The following PSG8 variants were observed in gnomAD, a reference collection of about 807,000 sequenced individuals.
PSG8 encodes the protein pregnancy-specific beta-1-glycoprotein 8.
In PSG8, 57 loss-of-function variants were observed where a neutral mutation model predicts 42.5. That is an observed-to-expected ratio of 1.34 (90% CI 1.08 to 1.67). PSG8 has a LOEUF of 1.67. Ranked by LOEUF, PSG8 falls within the 40% of genes most tolerant of loss-of-function variation. The pLI is 0.00. For missense variants in PSG8, 783 were observed against 518.6 expected, an observed-to-expected ratio of 1.51 and a Z score of -4.95; for synonymous variants, 280 against 196.8, an observed-to-expected ratio of 1.42 and a Z score of -3.54.
chr19:42,752,930 CCT>C (rs1969818210), downstream of PSG8: 2 of 316,736 alleles, frequency 6.3e-6, no homozygotes, highest in Admixed American at 4.7e-5. Context: ...CACATTTCCC[CCT>C]GAGATGTTAT....
Position 42,755,289 on chromosome 19 carries a change from A to G in PSG8, c.710-23T>C, listed in dbSNP as rs373908272. 1.1e-4 allele frequency: 177 copies of G among 1,597,522 alleles called. No individual in the cohort carries two copies. The African/African-American group carries it at 1.9e-3, about 17-fold the overall frequency. ...TCGCTGTGTGGATAACAGAGAGAAG[A>G]TTGTCCTGTGTGGCACCTTTGATTC... is the stretch of plus-strand genomic sequence containing the variant. On this transcript the variant is annotated intron_variant, in intron 3 of 4. Transcript: ENST00000306511.
chr19:42,753,158 C>T, downstream of PSG8: 1 of 707,514 alleles, frequency 1.4e-6, no homozygotes, highest in Non-Finnish European at 2.6e-6. Context: ...CACTTGTTGT[C>T]CTGGTTTACA....
At chr19:42,763,205 A>C (rs1208834168) in intron 2 of PSG8, among the ~76,000 whole-genome samples, 53 of 152,138 alleles carry the variant, frequency 3.5e-4, no homozygotes, top group Admixed American at 2.6e-4. Context: ...TACCAGGTAC[A>C]TCTTCTCTCT....
In PSG8 at chr19:42,758,076, G is replaced by A; in HGVS notation, c.635C>T (p.Ala212Val). The A allele has an allele frequency of 6.2e-7, 1 of 1,614,064 alleles. No homozygotes were observed. Among genetic ancestry groups the A allele is most frequent in the Non-Finnish European group, 8.5e-7 (1 of 1,179,956 alleles). Reference sequence around the variant, plus strand: ...CCGTATTTCACATTCATAGGGTCCTGCAGTGTACTTTGTGACACCCAATAG... The same window carrying A: ...CCGTATTTCACATTCATAGGGTCCTACAGTGTACTTTGTGACACCCAATAG... ...LFLLGVTKYT[A>V]GPYECEIRNP... is the part of the protein sequence containing the mutation. Residue 212 changes from alanine to valine, a missense_variant, in exon 3 of 5, where the codon GCA becomes GTA. By Grantham distance (64) the Ala-to-Val change is moderately conservative (BLOSUM62 0). Transcript: ENST00000306511.
chr19:42,765,183 C>T (rs949995291), intron 1 of PSG8, among the ~76,000 whole-genome samples: 11 of 148,446 alleles, frequency 7.4e-5, no homozygotes, highest in Non-Finnish European at 7.4e-5. Context: ...GATGGAGTCT[C>T]ATACTGTCTC....
chr19:42,753,290 T>C, downstream of PSG8: 1 of 780,184 alleles, frequency 1.3e-6, no homozygotes, highest in Non-Finnish European at 2.4e-6. Context: ...TTATAGGGCT[T>C]CTGGAACAGA....
chr19:42,759,257 T>C (rs1470921426), intron 2 of PSG8, among the ~76,000 whole-genome samples: 1 of 152,132 alleles, frequency 6.6e-6, no homozygotes, highest in Non-Finnish European at 1.5e-5. Flanking sequence ...GACTACTCTA[T>C]GTACCTGATA....
intron 2 of PSG8, chr19:42,763,661 C>G (rs571473907): frequency 1.5e-5 from 10 of 670,580 alleles, no homozygotes; most frequent in African/African-American, 1.3e-4. Flanking sequence ...TGAGACTGAT[C>G]TCCTCCTGCT....
Position 42,764,292 on chromosome 19 carries a change from G to A in PSG8, c.65-11C>T. 6.2e-7 allele frequency: 1 copy of A among 1,610,076 alleles called. No individual in the cohort carries two copies. The highest frequency in any genetic ancestry group is 8.5e-7 in the Non-Finnish European group (1 of 1,177,992). ...AGTTTAAAAGTGATGCTAGGAGGTG[G>A]AGAGAGCATCAGTCAATATTGAGAG... On this transcript the variant is annotated splice_polypyrimidine_tract_variant and intron_variant, in intron 1 of 4. Coordinates refer to ENST00000306511, the MANE Select transcript of PSG8 (RefSeq NM_182707.3).
chr19:42,755,423 C>G (rs1258200788), intron 3 of PSG8, 157 bp from the exon 4 acceptor site: 17 of 1,406,444 alleles, frequency 1.2e-5, no homozygotes, highest in Non-Finnish European at 5.7e-6. Flanking sequence ...GCATGATGAT[C>G]TAAGGGCTCA....
In PSG8 at chr19:42,754,333, C is replaced by G; in HGVS notation, c.1243G>C (p.Gly415Arg). The G allele has an allele frequency of 6.2e-7, 1 of 1,613,788 alleles. No homozygotes were observed. The highest frequency in any genetic ancestry group is 8.5e-7 in the Non-Finnish European group (1 of 1,179,786). Residue 415 changes from glycine to arginine, a missense_variant, in exon 5 of 5, where the codon GGT becomes CGT. Physicochemically the swap from Gly to Arg is moderately radical, Grantham distance 125 (BLOSUM62 -2). Transcript: ENST00000306511. ...GCCAAGGATACTGGGATCCGCTTACCAGAGACTTTTACTGTCATGGATTTG... is the reference window on the plus strand; with the variant it reads ...GCCAAGGATACTGGGATCCGCTTACGAGAGACTTTTACTGTCATGGATTTG... The part of the protein sequence containing the change: ...SSKSMTVKVS[G>R]KRIPVSLAIG...
intron 2 of PSG8, among the ~76,000 whole-genome samples, chr19:42,759,329 C>G (rs115953317): frequency 0.015 from 2,247 of 152,108 alleles, 44 homozygotes; most frequent in Admixed American, 0.038. Flanking sequence ...GGGATCAGGG[C>G]AATAGGGCGT....
rs141410321 is a variant in PSG8, at chr19:42,758,053, G to A, written c.658C>T (p.Arg220Trp). 22 of 1,614,008 alleles carry A rather than the reference G, an allele frequency of 1.4e-5. No homozygotes were observed. The highest frequency in any genetic ancestry group is 8.0e-5 in the African/African-American group (6 of 75,028). Residue 220 changes from arginine to tryptophan, a missense_variant, in exon 3 of 5, where the codon CGG becomes TGG. Physicochemically the swap from Arg to Trp is moderately radical, Grantham distance 101. Coordinates refer to ENST00000306511, the MANE Select transcript of PSG8 (RefSeq NM_182707.3). ...YTAGPYECEI[R>W]NPVSASRSDP... ...CTGCGGCTGGCACTCACTGGGTTCCGTATTTCACATTCATAGGGTCCTGCA... is the reference window on the plus strand; with the variant it reads ...CTGCGGCTGGCACTCACTGGGTTCCATATTTCACATTCATAGGGTCCTGCA...
At chr19:42,753,004 A>T (rs1458574692), downstream of PSG8, 1 of 511,016 alleles carries the variant, frequency 2.0e-6, no homozygotes, top group East Asian at 3.2e-5. Flanking sequence ...AAGCTACTAC[A>T]TGTGAAATTC....
chr19:42,754,962 C>A, intron 4 of PSG8, 26 bp downstream of exon 4: 1 of 1,591,158 alleles, frequency 6.3e-7, no homozygotes, highest in Non-Finnish European at 8.5e-7. Flanking sequence ...GGTGTCCTGG[C>A]CCACAGAGGA....
intron 3 of PSG8, among the ~76,000 whole-genome samples, chr19:42,756,567 C>T (rs1969932577): frequency 6.6e-6 from 1 of 152,064 alleles, no homozygotes; most frequent in Non-Finnish European, 1.5e-5. Flanking sequence ...CATTTCTTTT[C>T]AGCATCAGAT....
intron 3 of PSG8, 145 bp downstream of exon 3, chr19:42,757,857 G>C: frequency 1.3e-6 from 2 of 1,574,370 alleles, no homozygotes; most frequent in African/African-American, 1.4e-5. Context: ...ACTCTGGTTT[G>C]CCTGGGGCAG....
chr19:42,762,276 G>T (rs1190236244), intron 2 of PSG8, among the ~76,000 whole-genome samples: 7 of 151,928 alleles, frequency 4.6e-5, no homozygotes, highest in East Asian at 3.9e-4. Flanking sequence ...CAGTGAGGGA[G>T]ACACTGACTT....
Position 42,755,568 on chromosome 19 carries a change from A to C in PSG8, c.710-302T>G, listed in dbSNP as rs1021779004. 5 of 555,702 alleles carry C rather than the reference A, an allele frequency of 9.0e-6. No homozygotes were observed. In the African/African-American group the frequency reaches 9.4e-5, roughly 10 times the overall value. 34.4% of individuals were successfully genotyped at this position (555,702 alleles called of 1,614,324 possible). A position where few individuals can be genotyped will look rare whatever the true frequency, so the allele number is the denominator to read the frequency against. On this transcript the variant is annotated intron_variant, in intron 3 of 4. Coordinates refer to ENST00000306511, the MANE Select transcript of PSG8 (RefSeq NM_182707.3). ...CTGGTATCCCTCCCAGTCCCTCCCTAATCAGTTGACTGGCTGGCTCACCCT... is the reference window on the plus strand; with the variant it reads ...CTGGTATCCCTCCCAGTCCCTCCCTCATCAGTTGACTGGCTGGCTCACCCT...
Sources: allele counts gnomAD v4.1 joint callset (sites outside exome capture counted in the v4.1 genomes callset), GRCh38; gene constraint gnomAD v4.1.1; transcripts MANE v1.5; gene names NCBI Gene and HGNC (gene_info 2026-07-23, HGNC 2026-07-21).